Variants in FABP2 observed in about 807,000 individuals in gnomAD.
FABP2 encodes the protein fatty acid-binding protein, intestinal.
In FABP2, 11 loss-of-function variants were observed where a neutral mutation model predicts 16.1. That is an observed-to-expected ratio of 0.68 (90% confidence interval 0.43 to 1.13). The LOEUF is 1.13. Among genes scored for constraint, FABP2 ranks in the 50% most tolerant of loss-of-function variants. The pLI is 0.00. For synonymous variants in FABP2, 45 were observed against 50.9 expected (o/e 0.88, Z 0.49); for missense variants, 146 against 155.1 (o/e 0.94, Z 0.31).
Position 119,319,023 on chromosome 4 carries a change from G to C in FABP2, c.*18C>G. 1 of 1,588,576 alleles carries C rather than the reference G, an allele frequency of 6.3e-7. No homozygotes were observed. Among genetic ancestry groups the C allele is most frequent in the Non-Finnish European group, 8.6e-7 (1 of 1,166,984 alleles). On this transcript the variant is annotated 3_prime_UTR_variant, in exon 4 of 4. Transcript: ENST00000274024. Reference sequence around the variant, plus strand: ...TTCTGTCCAATTTGTATTTTGGACTGTGCGCCAAGAATAATGCTCAATCCT... The same window carrying C: ...TTCTGTCCAATTTGTATTTTGGACTCTGCGCCAAGAATAATGCTCAATCCT...
intron 1 of FABP2, 74 bp downstream of exon 1, chr4:119,321,962 A>C: frequency 4.7e-5 from 57 of 1,218,088 alleles, no homozygotes; most frequent in Non-Finnish European, 6.4e-5. Context: ...GTAATCTCCT[A>C]GAGATTTAGG....
In FABP2 at chr4:119,321,996, A is replaced by G. The variant is rs1304323668; in HGVS notation, c.67+40T>C. On this transcript the variant is annotated intron_variant, in intron 1 of 3. Transcript: ENST00000274024. ...GGAGTTAGAAAGAAAAATGTTTGTA[A>G]GAAAGCAAAGAATGAGCCACAAAGA... 1.9e-6 allele frequency: 3 copies of G among 1,538,574 alleles called. No homozygotes were observed. The Admixed American group carries it at 5.2e-5, about 27-fold the overall frequency.
intron 2 of FABP2, among the ~76,000 whole-genome samples, chr4:119,319,871 C>A (rs1275247786): frequency 6.6e-6 from 1 of 151,996 alleles, no homozygotes; most frequent in Admixed American, 6.6e-5. Context: ...CATTGGGCTA[C>A]AGAGTATGTG....
At chr4:119,320,904 CAAGTT>C in intron 1 of FABP2, 62 bp from the exon 2 acceptor site, 6 of 1,370,242 alleles carry the variant, frequency 4.4e-6, no homozygotes, top group Non-Finnish European at 5.8e-6. Flanking sequence ...TTTATTTTTC[CAAGTT>C]ATGTTTTGTT....
At chr4:119,320,232 A>G (rs1291015522) in intron 2 of FABP2, among the ~76,000 whole-genome samples, 1 of 152,104 alleles carries the variant, frequency 6.6e-6, no homozygotes, top group Non-Finnish European at 1.5e-5. Context: ...TACACTCCCA[A>G]TGACCTACAA....
rs200228934 is a variant in FABP2, at chr4:119,318,533, TA to T, written c.*507del. ...GGGCAATATAGCAAGACCCCATCTC[TA>T]AAAAAAATAAAAAGAAAACAAAACA... On this transcript the variant is annotated 3_prime_UTR_variant, in exon 4 of 4. Transcript: ENST00000274024. 6.6e-6 allele frequency: 1 copy of T among 151,892 alleles called. No individual in the cohort carries two copies. Among genetic ancestry groups the T allele is most frequent in the Non-Finnish European group, 1.5e-5 (1 of 68,082 alleles). The allele number at this position is 151,892 out of a possible 1,614,324, so 9.4% of individuals were successfully genotyped here.
intron 2 of FABP2, 55 bp from the exon 3 acceptor site, chr4:119,319,698 A>G: frequency 1.3e-6 from 1 of 751,916 alleles, no homozygotes; most frequent in Non-Finnish European, 1.8e-6. Context: ...TTAGGGTCTT[A>G]CACATGTCAG....
At chr4:119,321,139 A>G (rs550598521) in intron 1 of FABP2, among the ~76,000 whole-genome samples, 2 of 152,252 alleles carry the variant, frequency 1.3e-5, no homozygotes, top group South Asian at 4.1e-4. Context: ...TGTTAAGTAA[A>G]TCAAATTCTA....
chr4:119,319,163 AGTTTT>A, intron 3 of FABP2, 72 bp from the exon 4 acceptor site: 1 of 861,328 alleles, frequency 1.2e-6, no homozygotes, highest in Non-Finnish European at 1.8e-6. Context: ...GTAGTATTAT[AGTTTT>A]ATACTATATG....
intron 3 of FABP2, 141 bp from the exon 4 acceptor site, chr4:119,319,232 T>C: frequency 2.6e-6 from 1 of 390,986 alleles, no homozygotes; most frequent in Non-Finnish European, 4.4e-6. Context: ...AGTATGAGTT[T>C]ATACAATTTT....
chr4:119,320,560 G>A (rs1315330580), intron 2 of FABP2, 110 bp downstream of exon 2: 1 of 822,932 alleles, frequency 1.2e-6, no homozygotes. Flanking sequence ...TCTTCAGTTA[G>A]TGAAGGAGAC....
rs1376926818 is a variant in FABP2 at position 119,317,677 on chromosome 4, T to C, written c.*1364A>G. Reference sequence around the variant, plus strand: ...TTATCTACATCAGTGTGAAAAAGAATTTGTCAAAAGTCTATAGAGTTGCAG... The same window carrying C: ...TTATCTACATCAGTGTGAAAAAGAACTTGTCAAAAGTCTATAGAGTTGCAG... On this transcript the variant is annotated 3_prime_UTR_variant, in exon 4 of 4. Transcript: ENST00000274024. The C allele has an allele frequency of 6.6e-6, 1 of 152,092 alleles. No individual in the cohort carries two copies. Among genetic ancestry groups the C allele is most frequent in the African/African-American group, 2.4e-5 (1 of 41,436 alleles). 9.4% of individuals were successfully genotyped at this position (152,092 alleles called of 1,614,324 possible).
chr4:119,317,950 A>T lies in FABP2; in HGVS notation c.*1091T>A, dbSNP rs1244829863. 6.6e-6 allele frequency: 1 copy of T among 152,136 alleles called. No individual in the cohort carries two copies. Among genetic ancestry groups the T allele is most frequent in the East Asian group, 1.9e-4 (1 of 5,190 alleles). 9.4% of individuals were successfully genotyped at this position (152,136 alleles called of 1,614,324 possible). ...ATTGTTCTCAAAGACAAGTTAGTGG[A>T]CAGGCTGCATCAGAATCACCAGGAA... On this transcript the variant is annotated 3_prime_UTR_variant, in exon 4 of 4. Transcript: ENST00000274024.
chr4:119,318,964 G>A lies in FABP2; in HGVS notation c.*77C>T, dbSNP rs1755621803. Reference sequence around the variant, plus strand: ...TCAATCAGTAACCTTATACTTGATGGGGTGAAATAAATAGTTCTGGTACAA... The same window carrying A: ...TCAATCAGTAACCTTATACTTGATGAGGTGAAATAAATAGTTCTGGTACAA... On this transcript the variant is annotated 3_prime_UTR_variant, in exon 4 of 4. Transcript: ENST00000274024. The A allele has an allele frequency of 8.9e-7, 1 of 1,123,878 alleles. No homozygotes were observed. The highest frequency in any genetic ancestry group is 1.3e-6 in the Non-Finnish European group (1 of 767,276). 69.6% of individuals were successfully genotyped at this position (1,123,878 alleles called of 1,614,324 possible). A position where few individuals can be genotyped will look rare whatever the true frequency, so the allele number is the denominator to read the frequency against.
rs141065396 is a variant in FABP2 at position 119,320,763 on chromosome 4, T to G, written c.147A>C (p.Thr49=). The G allele has an allele frequency of 1.2e-3, 2,005 of 1,606,098 alleles. 2 individuals are homozygous for G. Among genetic ancestry groups the G allele is most frequent in the Non-Finnish European group, 1.6e-3 (1,853 of 1,177,396 alleles). The part of the protein sequence containing the change: ...LTITQEGNKF[T]VKESSTFRNI... Reference sequence around the variant, plus strand: ...TTCGAAAAGTGCTTGATTCTTTGACTGTGAATTTATTTCCTTCTTGTGTAA... The same window carrying G: ...TTCGAAAAGTGCTTGATTCTTTGACGGTGAATTTATTTCCTTCTTGTGTAA... The change falls in exon 2 of 4, where the codon ACA becomes ACC. Residue 49 remains threonine, a synonymous_variant. Transcript: ENST00000274024.
At position 119,319,184 on chromosome 4, in the gene FABP2, A is replaced by G. The variant is rs1578611105; in HGVS notation, c.349-93T>C. 1.4e-5 allele frequency: 8 copies of G among 567,934 alleles called. No individual in the cohort carries two copies. In the East Asian group the frequency reaches 3.1e-4, roughly 22 times the overall value. 35.2% of individuals were successfully genotyped at this position (567,934 alleles called of 1,614,324 possible). A position where few individuals can be genotyped will look rare whatever the true frequency, so the allele number is the denominator to read the frequency against. On this transcript the variant is annotated intron_variant, in intron 3 of 3. Coordinates refer to ENST00000274024, the MANE Select transcript of FABP2 (RefSeq NM_000134.4). Reference sequence around the variant, plus strand: ...TTATAGTTTTATACTATATGAGTTTATACTATTTTTATATTATATATTCAT... The same window carrying G: ...TTATAGTTTTATACTATATGAGTTTGTACTATTTTTATATTATATATTCAT...
In FABP2 at chr4:119,319,597, C is replaced by T. The variant is rs777233426; in HGVS notation, c.287G>A (p.Arg96Gln). ...EGNKLIGKFK[R>Q]TDNGNELNTV... ...ATTCAGTTCGTTTCCATTGTCTGTCCGTTTGAATTTTCCAATAAGTTTATT... is the reference window on the plus strand; with the variant it reads ...ATTCAGTTCGTTTCCATTGTCTGTCTGTTTGAATTTTCCAATAAGTTTATT... The change falls in exon 3 of 4, where the codon CGG (arginine) becomes CAG (glutamine). Residue 96 changes from arginine (R) to glutamine (Q), a missense_variant. Coordinates refer to ENST00000274024, the MANE Select transcript of FABP2 (RefSeq NM_000134.4). The T allele has an allele frequency of 1.4e-5, 21 of 1,533,624 alleles. No homozygotes were observed. The highest frequency in any genetic ancestry group is 2.8e-5 in the African/African-American group (2 of 70,442).
chr4:119,320,151 T>C (rs1755642505), intron 2 of FABP2, among the ~76,000 whole-genome samples: 1 of 152,078 alleles, frequency 6.6e-6, no homozygotes, highest in African/African-American at 2.4e-5. Flanking sequence ...ATGTTGAGGC[T>C]AAAAAAAGTT....
chr4:119,321,166 G>T (rs1755662748), intron 1 of FABP2, among the ~76,000 whole-genome samples: 1 of 151,918 alleles, frequency 6.6e-6, no homozygotes, highest in Non-Finnish European at 1.5e-5. Context: ...TCAAATGAAG[G>T]ATTAAAATGT....
Sources: gnomAD v4.1 joint callset for allele counts (sites outside exome capture counted in the v4.1 genomes callset) on GRCh38, gnomAD v4.1.1 for gene constraint, MANE v1.5 for transcripts, NCBI Gene and HGNC (gene_info 2026-07-23, HGNC 2026-07-21) for gene names.